The following BTD variants were observed in gnomAD, a reference collection of about 807,000 sequenced individuals.
BTD encodes the protein biotinidase.
A neutral mutation model predicts 17.7 loss-of-function variants in BTD; 13 were observed. The ratio of observed to expected loss-of-function variants is 0.74; its 90% CI spans 0.48 to 1.17. BTD has a LOEUF of 1.17. Ranked by LOEUF, BTD falls within the 50% of genes most tolerant of loss-of-function variation. The pLI is 0.00. For synonymous variants in BTD, 240 were observed against 245.2 expected (o/e 0.98, Z 0.20); for missense variants, 674 against 650.4 (o/e 1.04, Z -0.39).
exon 4 of BTD, among the ~76,000 whole-genome samples, chr3:15,711,580 A>C (rs2072282375): frequency 1.3e-5 from 2 of 152,204 alleles, no homozygotes; most frequent in African/African-American, 4.8e-5. Context: ...AGAACAGGCA[A>C]ATTTTATAGA....
intron 3 of BTD, among the ~76,000 whole-genome samples, chr3:15,686,827 A>C (rs528315783): frequency 1.0e-3 from 154 of 152,322 alleles, no homozygotes; most frequent in African/African-American, 3.4e-3. Context: ...CAATCCTTAA[A>C]AGCAGCAGCA....
intron 1 of BTD, among the ~76,000 whole-genome samples, chr3:15,611,619 T>G (rs2064633056): frequency 6.6e-6 from 1 of 152,094 alleles, no homozygotes; most frequent in African/African-American, 2.4e-5. Context: ...GGTTTAGTTT[T>G]TTCTTTTATC....
intron 3 of BTD, among the ~76,000 whole-genome samples, chr3:15,706,375 A>G (rs1329489224): frequency 0.023 from 4 of 176 alleles, no homozygotes; most frequent in East Asian, 0.17. Context: ...TTTGCTCAGA[A>G]TGATGTTTCC....
Position 15,696,385 on chromosome 3 carries a change from AT to A in BTD, c.400-13674del, listed in dbSNP as rs1274384277. The A allele has an allele frequency of 4.9e-4, 270 of 546,616 alleles. 1 individual carries two copies. Among genetic ancestry groups the A allele is most frequent in the Non-Finnish European group, 1.8e-4 (57 of 315,474 alleles). 33.9% of individuals were successfully genotyped at this position (546,616 alleles called of 1,614,324 possible). A position where few individuals can be genotyped will look rare whatever the true frequency, so the allele number is the denominator to read the frequency against. The stretch of plus-strand genomic sequence containing the variant: ...ATCATAAATGTATTACACTATAAAA[AT>A]GTCATTTAAATGACACTGACTAAAG... On this transcript the variant is annotated intron_variant, in intron 3 of 3. Coordinates refer to the BTD transcript ENST00000672141.
In BTD at chr3:15,692,144, T is replaced by TAA. The variant is rs908039642; in HGVS notation, c.400-17895_400-17894dup. 0.023 allele frequency among the ~76,000 whole-genome samples: 2,296 copies of TAA among 98,906 alleles called. 138 individuals carry two copies. In the East Asian group the frequency reaches 0.24, roughly 10 times the overall value. 64.9% of individuals were successfully genotyped at this position (98,906 alleles called of 152,430 possible). A position where few individuals can be genotyped will look rare whatever the true frequency, so the allele number is the denominator to read the frequency against. On this transcript the variant is annotated intron_variant, in intron 3 of 3. Transcript: ENST00000672141. ...GACAGAATGAGATTGTATCTCTAAATAAAAAAAAAAAAAAAAAAAAAATGA... is the reference window on the plus strand; with the variant it reads ...GACAGAATGAGATTGTATCTCTAAATAAAAAAAAAAAAAAAAAAAAAAAATGA...
At chr3:15,633,708 G>T (rs2065272962) in intron 1 of BTD, among the ~76,000 whole-genome samples, 1 of 152,316 alleles carries the variant, frequency 6.6e-6, no homozygotes, top group African/African-American at 2.4e-5. Context: ...ACCTCTTAGT[G>T]AGGCCTTTGC....
intron 1 of BTD, among the ~76,000 whole-genome samples, chr3:15,631,813 G>A (rs978245441): frequency 2.0e-5 from 3 of 152,224 alleles, no homozygotes; most frequent in Non-Finnish European, 4.4e-5. Context: ...GAACTGGGGA[G>A]TCACTGGAAG....
chr3:15,706,187 C>T (rs1001496347), intron 3 of BTD, among the ~76,000 whole-genome samples: 37 of 151,926 alleles, frequency 2.4e-4, no homozygotes, highest in Non-Finnish European at 4.9e-4. Flanking sequence ...GTGTGCTGCA[C>T]CCATTAACTC....
chr3:15,711,259 G>T (rs2072232980), exon 4 of BTD: 3 of 1,611,616 alleles, frequency 1.9e-6, no homozygotes, highest in African/African-American at 1.3e-5. Context: ...ATCATCTGGG[G>T]TATCTATATC....
chr3:15,608,437 C>T (rs1051988056), intron 1 of BTD, among the ~76,000 whole-genome samples: 18 of 152,052 alleles, frequency 1.2e-4, no homozygotes, highest in African/African-American at 4.1e-4. Context: ...GTATGTTGTG[C>T]TATGAGGATG....
chr3:15,643,891 T>TG, intron 3 of BTD, among the ~76,000 whole-genome samples: 1 of 73,980 alleles, frequency 1.4e-5, no homozygotes, highest in East Asian at 4.8e-4. Context: ...ACCCTGTCTC[T>TG]GAAAAAAAAA....
chr3:15,634,898 A>T (rs749279613), intron 1 of BTD, among the ~76,000 whole-genome samples: 1 of 152,224 alleles, frequency 6.6e-6, no homozygotes, highest in Non-Finnish European at 1.5e-5. Context: ...CATAGTATTT[A>T]TTACTAACCA....
intron 3 of BTD, among the ~76,000 whole-genome samples, chr3:15,666,008 G>A (rs907320850): frequency 1.3e-5 from 2 of 152,070 alleles, no homozygotes; most frequent in Non-Finnish European, 2.9e-5. Context: ...TTAGATTTGG[G>A]GTGGTTAGGT....
intron 3 of BTD, among the ~76,000 whole-genome samples, chr3:15,705,970 C>T (rs2071303330): frequency 6.6e-6 from 1 of 152,068 alleles, no homozygotes; most frequent in African/African-American, 2.4e-5. Context: ...CACTGCACTC[C>T]ACCCTGGGCG....
intron 4 of BTD, chr3:15,720,930 G>C: frequency 1.2e-6 from 2 of 1,612,948 alleles, no homozygotes; most frequent in South Asian, 2.2e-5. Context: ...TATTGACATC[G>C]GCCCCATTGC....
chr3:15,715,994 CTTTTTT>C (rs5846874), downstream of BTD, among the ~76,000 whole-genome samples: 23 of 142,742 alleles, frequency 1.6e-4, no homozygotes, highest in African/African-American at 5.6e-4. Context: ...TTTTTTCTCT[CTTTTTT>C]TTTTTTGAGA....
In BTD at chr3:15,645,940, A is replaced by G. The variant is rs79151199; in HGVS notation, c.*452A>G. 679 of 156,488 alleles carry G rather than the reference A, an allele frequency of 4.3e-3. 8 individuals are homozygous for G. The highest frequency in any genetic ancestry group is 0.014 in the South Asian group (74 of 5,150). The allele number at this position is 156,488 out of a possible 1,614,324, so 9.7% of individuals were successfully genotyped here. A position where few individuals can be genotyped will look rare whatever the true frequency, so the allele number is the denominator to read the frequency against. On this transcript the variant is annotated 3_prime_UTR_variant, in exon 4 of 4. Transcript: ENST00000643237. Reference sequence around the variant, plus strand: ...GAGGTAAGAAACAAGCTCTCAAAGCAAAAGCTCAATTAGAAATGGCCCTTG... The same window carrying G: ...GAGGTAAGAAACAAGCTCTCAAAGCGAAAGCTCAATTAGAAATGGCCCTTG...
chr3:15,661,981 C>G (rs1179908720), intron 3 of BTD, among the ~76,000 whole-genome samples: 1 of 152,204 alleles, frequency 6.6e-6, no homozygotes, highest in Non-Finnish European at 1.5e-5. Context: ...TTCCACTGAT[C>G]TGTCCATTCT....
At chr3:15,666,255 T>A (rs2065988171) in intron 3 of BTD, among the ~76,000 whole-genome samples, 1 of 152,196 alleles carries the variant, frequency 6.6e-6, no homozygotes, top group African/African-American at 2.4e-5. Flanking sequence ...GTGTCTCAAC[T>A]TCAAAATCAA....
Sources: gnomAD v4.1 joint callset for allele counts (sites outside exome capture counted in the v4.1 genomes callset) on GRCh38, gnomAD v4.1.1 for gene constraint, MANE v1.5 for transcripts, NCBI Gene and HGNC (gene_info 2026-07-23, HGNC 2026-07-21) for gene names.